The following MLLT1 variants were observed in gnomAD, a reference collection of about 807,000 sequenced individuals.
MLLT1 encodes the protein protein ENL.
A neutral mutation model predicts 55.1 loss-of-function variants in MLLT1; 11 were observed. That is an observed-to-expected ratio of 0.20 (90% CI 0.13 to 0.33). The LOEUF (loss-of-function observed/expected upper bound fraction) is 0.33, where lower values mean the gene tolerates loss of function less well. Ranked by LOEUF, MLLT1 falls within the 10% of genes least tolerant of loss-of-function variation. MLLT1 has a pLI of 1.00. For synonymous variants in MLLT1, 323 were observed against 320.1 expected (o/e 1.01, Z -0.10); for missense variants, 536 against 760.6 (o/e 0.70, Z 3.47).
chr19:6,213,544 G>A (rs2144839864), intron 10 of MLLT1, 136 bp from the exon 11 acceptor site: 1 of 995,142 alleles, frequency 1.0e-6, no homozygotes, highest in Non-Finnish European at 1.6e-6. Context: ...GAAGGCCCAA[G>A]GCTGCAGGGG....
intron 1 of MLLT1, among the ~76,000 whole-genome samples, chr19:6,272,797 G>GT (rs1271988729): frequency 7.2e-5 from 11 of 152,350 alleles, no homozygotes; most frequent in Non-Finnish European, 1.2e-4. Flanking sequence ...GATAAGGACA[G>GT]GCCAGTTCCA....
rs201492689 is a variant in MLLT1, at chr19:6,270,543, C to T, written c.193+36G>A. The T allele has an allele frequency of 3.2e-6, 5 of 1,584,804 alleles. No homozygotes were observed. The African/African-American group carries it at 5.3e-5, about 17-fold the overall frequency. The stretch of plus-strand genomic sequence containing the variant: ...TTGGGAGGAGTGAAGACAGATGGGT[C>T]CGTGCTGTGGGCACTCAGGGCTTGA... On this transcript the variant is annotated intron_variant, in intron 2 of 11. Coordinates refer to ENST00000252674, the MANE Select transcript of MLLT1 (RefSeq NM_005934.4). This position sits in a 1 kb window ranked among gnomAD's most constrained non-coding sequence, Gnocchi z 7.1.
At chr19:6,223,541 G>A (rs777672059) in intron 5 of MLLT1, among the ~76,000 whole-genome samples, 72 of 152,284 alleles carry the variant, frequency 4.7e-4, no homozygotes, top group Non-Finnish European at 7.2e-4. Context: ...GCAGAAAACC[G>A]AAGCCATCTG....
chr19:6,220,130 GC>G (rs1354890466), intron 6 of MLLT1, among the ~76,000 whole-genome samples: 1 of 152,232 alleles, frequency 6.6e-6, no homozygotes, highest in Non-Finnish European at 1.5e-5. Context: ...ACGAGGGTGG[GC>G]GTGGGCCAGA....
intron 3 of MLLT1, among the ~76,000 whole-genome samples, chr19:6,248,968 C>T (rs1005911772): frequency 6.6e-6 from 1 of 152,168 alleles, no homozygotes; most frequent in African/African-American, 2.4e-5. Context: ...AGGAACCATA[C>T]TCGGTTCAGT....
chr19:6,241,821 G>A (rs1031980553), intron 3 of MLLT1, among the ~76,000 whole-genome samples: 21 of 152,240 alleles, frequency 1.4e-4, no homozygotes, highest in Admixed American at 4.6e-4. Context: ...GTCACAACGC[G>A]GCAGCTCGGC....
chr19:6,248,394 T>C (rs1411040608), intron 3 of MLLT1, among the ~76,000 whole-genome samples: 4 of 152,206 alleles, frequency 2.6e-5, no homozygotes, highest in Non-Finnish European at 4.4e-5. Flanking sequence ...CTGGACTTAG[T>C]GACCTGCTTC....
intron 6 of MLLT1, among the ~76,000 whole-genome samples, chr19:6,221,303 C>T (rs1366650552): frequency 6.6e-6 from 1 of 152,188 alleles, no homozygotes; most frequent in Non-Finnish European, 1.5e-5. Flanking sequence ...GTCTAAATGC[C>T]AAGTGCCAGA....
Position 6,212,686 on chromosome 19 carries a change from G to C in MLLT1, c.*356C>G, listed in dbSNP as rs1455483831. 2 of 1,119,708 alleles carry C rather than the reference G, an allele frequency of 1.8e-6. No homozygotes were observed. Among genetic ancestry groups the C allele is most frequent in the Admixed American group, 4.7e-5 (1 of 21,186 alleles). The allele number at this position is 1,119,708 out of a possible 1,614,324, so 69.4% of individuals were successfully genotyped here. ...GTCGATCCGCTGCTCAGAAAGGCTG[G>C]GGCAGCGACGCCGCACAGCCCGCCG... is the stretch of plus-strand genomic sequence containing the variant. On this transcript the variant is annotated 3_prime_UTR_variant, in exon 12 of 12. Coordinates refer to ENST00000252674, the MANE Select transcript of MLLT1 (RefSeq NM_005934.4).
In MLLT1 at chr19:6,229,200, G is replaced by A. The variant is rs564173825; in HGVS notation, c.420+1370C>T. Among the ~76,000 whole-genome samples the A allele has an allele frequency of 6.6e-6, 1 of 152,242 alleles. No individual in the cohort carries two copies. The highest frequency in any genetic ancestry group is 2.1e-4 in the South Asian group (1 of 4,822). On this transcript the variant is annotated intron_variant, in intron 4 of 11. Transcript: ENST00000252674. The surrounding 1 kb of genome is among the most constrained non-coding windows in gnomAD (Gnocchi z 5.2). ...CCATGAAAGAAGGTGGAAAAGCGGA[G>A]CCAGGAGGGCGCTGGGACCCAGCCC...
Position 6,213,129 on chromosome 19 carries a change from G to A in MLLT1, c.1593C>T (p.Thr531=). The change falls in exon 12 of 12, where the codon ACC becomes ACT. Residue 531 remains threonine (T), a synonymous_variant. Transcript: ENST00000252674. ...LIEETGHFNV[T]NTTFDFDLFS... is the part of the protein sequence containing the mutation. ...AGAGGTCGAAGTCGAAGGTGGTGTTGGTGACATTGAAGTGGCCAGTCTCCT... is the reference window on the plus strand; with the variant it reads ...AGAGGTCGAAGTCGAAGGTGGTGTTAGTGACATTGAAGTGGCCAGTCTCCT... 6.2e-7 allele frequency: 1 copy of A among 1,614,042 alleles called. No individual in the cohort carries two copies. The highest frequency in any genetic ancestry group is 1.1e-5 in the South Asian group (1 of 91,088).
intron 3 of MLLT1, among the ~76,000 whole-genome samples, chr19:6,246,049 G>C (rs1238291022): frequency 6.6e-6 from 1 of 151,414 alleles, no homozygotes; most frequent in African/African-American, 2.4e-5. Context: ...TTGCACTCCA[G>C]CCTGGGCAAT....
At chr19:6,266,276 C>CAAAAA (rs35972478) in intron 2 of MLLT1, among the ~76,000 whole-genome samples, 2 of 73,602 alleles carry the variant, frequency 2.7e-5, no homozygotes, top group East Asian at 4.7e-4. Context: ...ATTCTGTCTC[C>CAAAAA]AAAAAAAAAA....
In MLLT1 at chr19:6,230,527, C is replaced by T. The variant is rs549378215; in HGVS notation, c.420+43G>A. On this transcript the variant is annotated intron_variant, in intron 4 of 11. Coordinates refer to ENST00000252674, the MANE Select transcript of MLLT1 (RefSeq NM_005934.4). The surrounding 1 kb of genome is among the most constrained non-coding windows in gnomAD (Gnocchi z 9.0). ...ACAGACGGCCGCAGCAAAGTAGCCT[C>T]GGTGGAGCGGCCCCTTGGCGGGCAG... 24 of 1,606,024 alleles carry T rather than the reference C, an allele frequency of 1.5e-5. No homozygotes were observed. The highest frequency in any genetic ancestry group is 4.0e-5 in the African/African-American group (3 of 74,662).
intron 3 of MLLT1, among the ~76,000 whole-genome samples, chr19:6,244,043 C>CA (rs1179461309): frequency 0.018 from 816 of 44,934 alleles, 13 homozygotes; most frequent in African/African-American, 0.048. Flanking sequence ...GACTCCACCT[C>CA]AAAAAAAAAA....
At chr19:6,217,605 G>C (rs1347394587) in intron 7 of MLLT1, among the ~76,000 whole-genome samples, 1 of 152,256 alleles carries the variant, frequency 6.6e-6, no homozygotes, top group African/African-American at 2.4e-5. Flanking sequence ...GAGCGGGTGG[G>C]ATGGGCGGAG....
rs1255620418 is a variant in MLLT1, at chr19:6,273,958, T to G, written c.13-3199A>C. ...AGGGGGAGGATGGAAGCACCAGAAC[T>G]CCACCGCAGTGGCCAAAGTAAACAG... On this transcript the variant is annotated intron_variant, in intron 1 of 11. Transcript: ENST00000252674. This position sits in a 1 kb window ranked among gnomAD's most constrained non-coding sequence, Gnocchi z 4.3. 6.6e-6 allele frequency among the ~76,000 whole-genome samples: 1 copy of G among 152,164 alleles called. No homozygotes were observed. Among genetic ancestry groups the G allele is most frequent in the Non-Finnish European group, 1.5e-5 (1 of 68,032 alleles).
At chr19:6,245,494 A>G (rs2091159865) in intron 3 of MLLT1, among the ~76,000 whole-genome samples, 1 of 150,242 alleles carries the variant, frequency 6.7e-6, no homozygotes, top group African/African-American at 2.4e-5. Flanking sequence ...GCGGATCACG[A>G]GGTCAGGAGA....
At chr19:6,272,633 G>C (rs2091404632) in intron 1 of MLLT1, among the ~76,000 whole-genome samples, 1 of 152,218 alleles carries the variant, frequency 6.6e-6, no homozygotes, top group South Asian at 2.1e-4. Flanking sequence ...TGAACTCTCT[G>C]AGAGCAGGGA....
Sources: gnomAD v4.1 joint callset for allele counts (sites outside exome capture counted in the v4.1 genomes callset) on GRCh38, gnomAD v4.1.1 for gene constraint, Gnocchi (gnomAD v3.1) non-coding constraint, MANE v1.5 for transcripts, NCBI Gene and HGNC (gene_info 2026-07-23, HGNC 2026-07-21) for gene names.